The following DPY19L1 variants were observed in gnomAD, a reference collection of about 807,000 sequenced individuals.
DPY19L1 encodes protein C-mannosyl-transferase DPY19L1.
Under a neutral mutation model 96.9 loss-of-function variants are expected in DPY19L1, and 35 were observed. The ratio of observed to expected loss-of-function variants is 0.36; its 90% CI spans 0.28 to 0.48. The LOEUF is 0.48. Ranked by LOEUF, DPY19L1 falls within the 20% of genes least tolerant of loss-of-function variation. DPY19L1 has a pLI of 0.99. For synonymous variants in DPY19L1, 205 were observed against 252.6 expected (o/e 0.81, Z 1.79); for missense variants, 521 against 777.9 (o/e 0.67, Z 3.93).
At chr7:34,939,400 G>A in intron 19 of DPY19L1, 25 bp from the exon 20 acceptor site, 2 of 1,604,526 alleles carry the variant, frequency 1.2e-6, no homozygotes, top group Non-Finnish European at 8.5e-7. Context: ...GAATGTCTCA[G>A]GAAGACACTC....
At chr7:34,985,012 T>C (rs2128671129) in intron 7 of DPY19L1, among the ~76,000 whole-genome samples, 1 of 152,240 alleles carries the variant, frequency 6.6e-6, no homozygotes, top group South Asian at 2.1e-4. Flanking sequence ...AAGAAGGGAC[T>C]TTCTTTCTTA....
At chr7:35,024,700 A>T (rs329251) in intron 1 of DPY19L1, among the ~76,000 whole-genome samples, 30,374 of 152,140 alleles carry the variant, frequency 0.2, 3,375 homozygotes, top group Admixed American at 0.35. Context: ...TTCCTGCCTT[A>T]AAAATCTGTA....
intron 11 of DPY19L1, among the ~76,000 whole-genome samples, chr7:34,957,665 G>A (rs1202848241): frequency 6.6e-6 from 1 of 152,202 alleles, no homozygotes; most frequent in Non-Finnish European, 1.5e-5. Context: ...TCTGAGCACA[G>A]TGGAATGAAG....
At chr7:35,002,796 T>C (rs879177641) in intron 6 of DPY19L1, among the ~76,000 whole-genome samples, 1 of 152,182 alleles carries the variant, frequency 6.6e-6, no homozygotes, top group Non-Finnish European at 1.5e-5. Context: ...TGAGACGGAG[T>C]CTTGCTCTGT....
intron 6 of DPY19L1, among the ~76,000 whole-genome samples, chr7:34,999,304 C>T (rs532187143): frequency 3.7e-4 from 56 of 152,200 alleles, no homozygotes; most frequent in African/African-American, 1.3e-3. Flanking sequence ...AGAATACAGT[C>T]GAACAAAGCC....
chr7:34,990,020 T>C, intron 6 of DPY19L1, 79 bp from the exon 7 acceptor site: 1 of 1,076,626 alleles, frequency 9.3e-7, no homozygotes, highest in African/African-American at 1.6e-5. Context: ...CATAATATCA[T>C]AACCACTGGT....
chr7:34,971,250 T>C (rs1784719349), intron 8 of DPY19L1, among the ~76,000 whole-genome samples: 1 of 152,054 alleles, frequency 6.6e-6, no homozygotes, highest in African/African-American at 2.4e-5. Context: ...AGAGAGAAGG[T>C]TACTATCCTT....
Position 34,941,968 on chromosome 7 carries a change from C to T in DPY19L1, c.1570-84G>A, listed in dbSNP as rs571307434. The T allele has an allele frequency of 2.8e-4, 392 of 1,390,574 alleles. 2 individuals are homozygous for T. The highest frequency in any genetic ancestry group is 3.3e-4 in the Non-Finnish European group (344 of 1,033,808). 86.1% of individuals were successfully genotyped at this position (1,390,574 alleles called of 1,614,324 possible). On this transcript the variant is annotated intron_variant, in intron 17 of 21. Coordinates refer to ENST00000638088, the MANE Select transcript of DPY19L1 (RefSeq NM_001366673.1). ...AACTGGCAATATGCAGAAAGGGGTACGTTCTCCTTAGTAACAAAAAATACT... is the reference window on the plus strand; with the variant it reads ...AACTGGCAATATGCAGAAAGGGGTATGTTCTCCTTAGTAACAAAAAATACT...
chr7:35,029,331 G>A (rs891376789), intron 1 of DPY19L1, among the ~76,000 whole-genome samples: 1 of 152,166 alleles, frequency 6.6e-6, no homozygotes, highest in Non-Finnish European at 1.5e-5. Context: ...AATATGATCT[G>A]CTTCTGAGCA....
chr7:35,021,976 A>ATGAAAGTCCCAGTAAAGCAAAAAG (rs1395266941), intron 1 of DPY19L1, among the ~76,000 whole-genome samples: 1 of 152,202 alleles, frequency 6.6e-6, no homozygotes, highest in Non-Finnish European at 1.5e-5. Context: ...TCACTTGAAC[A>ATGAAAGTCCCAGTAAAGCAAAAAG]TGAAAGTCCC....
chr7:34,961,458 C>T (rs1784499950), intron 10 of DPY19L1, among the ~76,000 whole-genome samples: 1 of 152,112 alleles, frequency 6.6e-6, no homozygotes, highest in South Asian at 2.1e-4. Flanking sequence ...AAAAATAAAT[C>T]TAGACATAAG....
intron 16 of DPY19L1, among the ~76,000 whole-genome samples, chr7:34,943,515 C>A (rs1275004389): frequency 6.6e-6 from 1 of 152,172 alleles, no homozygotes; most frequent in Non-Finnish European, 1.5e-5. Context: ...TCCCACTTTA[C>A]TTCCTGGGTC....
At chr7:35,022,234 T>G (rs566101105) in intron 1 of DPY19L1, among the ~76,000 whole-genome samples, 2 of 152,290 alleles carry the variant, frequency 1.3e-5, no homozygotes, top group East Asian at 1.9e-4. Flanking sequence ...GGAACCAAGA[T>G]AAATATGGCA....
intron 20 of DPY19L1, 94 bp from the exon 21 acceptor site, chr7:34,938,213 T>G: frequency 1.5e-6 from 2 of 1,349,824 alleles, no homozygotes; most frequent in Non-Finnish European, 2.0e-6. Context: ...TAGAAGACGA[T>G]GAAGAAGAAT....
intron 21 of DPY19L1, among the ~76,000 whole-genome samples, chr7:34,937,173 T>G (rs538346403): frequency 6.6e-6 from 1 of 152,342 alleles, no homozygotes; most frequent in South Asian, 2.1e-4. Flanking sequence ...GGAGCTATAC[T>G]CAGCTTAGTA....
intron 13 of DPY19L1, among the ~76,000 whole-genome samples, chr7:34,951,840 T>C (rs1584212150): frequency 1.3e-5 from 2 of 151,976 alleles, no homozygotes; most frequent in African/African-American, 4.8e-5. Context: ...GAAATAACTA[T>C]GGACTCAACA....
chr7:34,971,557 G>C (rs1406694755), intron 8 of DPY19L1, among the ~76,000 whole-genome samples: 1 of 152,146 alleles, frequency 6.6e-6, no homozygotes, highest in Non-Finnish European at 1.5e-5. Context: ...AGATGGCCTG[G>C]AATATGAGAA....
At chr7:35,028,377 C>T (rs1472276763) in intron 1 of DPY19L1, among the ~76,000 whole-genome samples, 1 of 152,116 alleles carries the variant, frequency 6.6e-6, no homozygotes, top group African/African-American at 2.4e-5. Flanking sequence ...ATCACCATCC[C>T]AAAGCGGAAT....
chr7:34,966,916 C>T lies in DPY19L1; in HGVS notation c.1070G>A (p.Arg357Gln), dbSNP rs774134203. 7.2e-6 allele frequency: 11 copies of T among 1,532,706 alleles called. No individual in the cohort carries two copies. Among genetic ancestry groups the T allele is most frequent in the Admixed American group, 4.4e-5 (2 of 45,718 alleles). 94.9% of individuals were successfully genotyped at this position (1,532,706 alleles called of 1,614,324 possible). The change falls in exon 10 of 22, where the codon CGG (arginine) becomes CAG (glutamine). Residue 357 changes from arginine (R) to glutamine (Q), a missense_variant. Coordinates refer to ENST00000638088, the MANE Select transcript of DPY19L1 (RefSeq NM_001366673.1). ...VVGYIDICKL[R>Q]KIIYIHMISL... ...TACCATGTGTATATAAATGATCTTCCGTAATTTACATATATCAATGTACCC... is the reference window on the plus strand; with the variant it reads ...TACCATGTGTATATAAATGATCTTCTGTAATTTACATATATCAATGTACCC...
Sources: gnomAD v4.1 joint callset for allele counts (sites outside exome capture counted in the v4.1 genomes callset) on GRCh38, gnomAD v4.1.1 for gene constraint, MANE v1.5 for transcripts, NCBI Gene and HGNC (gene_info 2026-07-23, HGNC 2026-07-21) for gene names.